Variants in UHRF2 observed in about 807,000 individuals in gnomAD.
UHRF2 encodes the protein E3 ubiquitin-protein ligase UHRF2.
Under a neutral mutation model 96.8 loss-of-function variants are expected in UHRF2, and 23 were observed. That is an observed-to-expected ratio of 0.24 (90% CI 0.17 to 0.34). UHRF2 has a LOEUF of 0.34. Among genes scored for constraint, UHRF2 ranks in the 10% least tolerant of loss-of-function variants. The pLI, the probability that UHRF2 is intolerant of heterozygous loss-of-function variation, is 1.00. For missense variants in UHRF2, 685 were observed against 981.5 expected (o/e 0.70, Z 4.04); for synonymous variants, 385 against 332.6 (o/e 1.16, Z -1.72).
At chr9:6,421,960 A>T (rs921794941) in intron 2 of UHRF2, among the ~76,000 whole-genome samples, 10 of 152,126 alleles carry the variant, frequency 6.6e-5, no homozygotes, top group African/African-American at 1.9e-4. Context: ...CTATTATGTC[A>T]TTCCATTTTA....
intron 3 of UHRF2, among the ~76,000 whole-genome samples, chr9:6,457,866 G>A (rs1485111974): frequency 1.3e-5 from 2 of 152,130 alleles, no homozygotes; most frequent in African/African-American, 4.8e-5. Context: ...GATTTTGATC[G>A]TGGTGGATAA....
chr9:6,415,538 G>A (rs1173475265), intron 1 of UHRF2: 1 of 152,156 alleles, frequency 6.6e-6, no homozygotes, highest in Non-Finnish European at 1.5e-5. Context: ...GTAACTACTG[G>A]AATGGCATCA....
chr9:6,466,931 C>A (rs1023254467), intron 4 of UHRF2, among the ~76,000 whole-genome samples: 1 of 152,206 alleles, frequency 6.6e-6, no homozygotes, highest in African/African-American at 2.4e-5. Flanking sequence ...CACATACATA[C>A]CAGACATAAG....
intron 1 of UHRF2, among the ~76,000 whole-genome samples, chr9:6,416,005 C>T (rs754049459): frequency 2.6e-5 from 4 of 152,174 alleles, no homozygotes; most frequent in Non-Finnish European, 5.9e-5. Context: ...ACAAGATCTC[C>T]AGGTGATCTG....
chr9:6,467,606 T>TTG (rs1282782072), intron 4 of UHRF2, among the ~76,000 whole-genome samples: 31 of 150,930 alleles, frequency 2.1e-4, no homozygotes, highest in African/African-American at 7.5e-4. Flanking sequence ...TTTTTTTTTT[T>TTG]TTTTTTTTTT....
intron 3 of UHRF2, among the ~76,000 whole-genome samples, chr9:6,452,229 G>T (rs1821917011): frequency 6.6e-6 from 1 of 152,012 alleles, no homozygotes; most frequent in Non-Finnish European, 1.5e-5. Context: ...TTTTAGACCT[G>T]TTACAAATAG....
Position 6,481,694 on chromosome 9 carries a change from A to C in UHRF2, c.1212A>C (p.Glu404Asp). 6.2e-7 allele frequency: 1 copy of C among 1,613,930 alleles called. No homozygotes were observed. The highest frequency in any genetic ancestry group is 1.3e-5 in the African/African-American group (1 of 75,038). ...TDSSEVVKAG[E>D]RLKMSKKKAK... ...CCAGTGAAGTTGTAAAGGCTGGTGA[A>C]AGACTCAAGATGAGTAAAAAGAAAG... is the stretch of plus-strand genomic sequence containing the variant. Residue 404 changes from glutamate (E) to aspartate (D), a missense_variant, in exon 7 of 16, where the codon GAA becomes GAC. By Grantham distance (45) the Glu-to-Asp change is conservative. Coordinates refer to ENST00000276893, the MANE Select transcript of UHRF2 (RefSeq NM_152896.3).
At chr9:6,448,911 C>T (rs533107789) in intron 3 of UHRF2, among the ~76,000 whole-genome samples, 4 of 152,242 alleles carry the variant, frequency 2.6e-5, no homozygotes, top group South Asian at 4.1e-4. Flanking sequence ...TTTTCAATTG[C>T]GTAGCATTTG....
intron 1 of UHRF2, among the ~76,000 whole-genome samples, chr9:6,417,398 C>G (rs1819670562): frequency 6.6e-6 from 1 of 152,200 alleles, no homozygotes; most frequent in African/African-American, 2.4e-5. Context: ...ATGCTTCTGA[C>G]TCACAGATGT....
chr9:6,501,733 C>T (rs1816302551), intron 14 of UHRF2, among the ~76,000 whole-genome samples: 1 of 152,154 alleles, frequency 6.6e-6, no homozygotes, highest in Non-Finnish European at 1.5e-5. Flanking sequence ...AGCCAAGACA[C>T]CCAGGCGTAA....
chr9:6,420,347 G>T (rs112827787), intron 1 of UHRF2, among the ~76,000 whole-genome samples: 2,860 of 149,082 alleles, frequency 0.019, 88 homozygotes, highest in African/African-American at 0.066. Flanking sequence ...GAGCCACCGC[G>T]CCCGGCCCAT....
intron 4 of UHRF2, among the ~76,000 whole-genome samples, chr9:6,470,163 A>G (rs1315504660): frequency 6.6e-6 from 1 of 152,208 alleles, no homozygotes; most frequent in Non-Finnish European, 1.5e-5. Context: ...ACTTGAGGTC[A>G]GGAATTCAAG....
At chr9:6,478,236 T>C (rs1443790272) in intron 6 of UHRF2, among the ~76,000 whole-genome samples, 6 of 152,228 alleles carry the variant, frequency 3.9e-5, no homozygotes, top group Admixed American at 1.3e-4. Context: ...CCATGTTCTT[T>C]TTCAGGTTGT....
intron 5 of UHRF2, among the ~76,000 whole-genome samples, chr9:6,475,903 C>A (rs1377910715): frequency 1.3e-5 from 2 of 152,108 alleles, no homozygotes; most frequent in Non-Finnish European, 2.9e-5. Context: ...TAAATCTATT[C>A]TTTTAGCGAT....
At chr9:6,469,961 G>A (rs1468912816) in intron 4 of UHRF2, among the ~76,000 whole-genome samples, 1 of 152,026 alleles carries the variant, frequency 6.6e-6, no homozygotes, top group Non-Finnish European at 1.5e-5. Flanking sequence ...ATGCACAGTG[G>A]TATATCACAA....
At chr9:6,472,799 G>A (rs1169008291) in intron 4 of UHRF2, among the ~76,000 whole-genome samples, 1 of 152,176 alleles carries the variant, frequency 6.6e-6, no homozygotes, top group Admixed American at 6.5e-5. Context: ...GTGGGATAAA[G>A]CAAAGGAGTA....
chr9:6,490,849 T>A (rs1014550208), intron 9 of UHRF2, among the ~76,000 whole-genome samples: 4 of 152,182 alleles, frequency 2.6e-5, no homozygotes, highest in African/African-American at 7.2e-5. Flanking sequence ...CTGGAAATGT[T>A]TATATATTTT....
intron 8 of UHRF2, among the ~76,000 whole-genome samples, chr9:6,485,532 C>T (rs1824213708): frequency 6.6e-6 from 1 of 151,782 alleles, no homozygotes; most frequent in African/African-American, 2.4e-5. Context: ...TGAGGTGTTT[C>T]AAAAGCCAAA....
intron 9 of UHRF2, chr9:6,492,158 C>T: frequency 4.5e-6 from 1 of 220,834 alleles, no homozygotes; most frequent in East Asian, 1.1e-4. Context: ...GTTAATGGTA[C>T]AGAATTTTAG....
Sources: allele counts gnomAD v4.1 joint callset (sites outside exome capture counted in the v4.1 genomes callset), GRCh38; gene constraint gnomAD v4.1.1; transcripts MANE v1.5; gene names NCBI Gene and HGNC (gene_info 2026-07-23, HGNC 2026-07-21).